The following AKT3 variants were observed in gnomAD, a reference collection of about 807,000 sequenced individuals.
The protein encoded by AKT3 is AKT serine/threonine kinase 3.
Under a neutral mutation model 65.3 loss-of-function variants are expected in AKT3, and 15 were observed. The ratio of observed to expected loss-of-function variants is 0.23; its 90% confidence interval spans 0.15 to 0.35. The LOEUF (loss-of-function observed/expected upper bound fraction) is 0.35, where lower values mean the gene tolerates loss of function less well. Among genes scored for constraint, AKT3 ranks in the 10% least tolerant of loss-of-function variants. The pLI is 1.00. For missense variants in AKT3, 243 were observed against 576.5 expected, an observed-to-expected ratio of 0.42 and a Z score of 5.92; for synonymous variants, 206 against 183.8, an observed-to-expected ratio of 1.12 and a Z score of -0.98.
At position 243,704,433 on chromosome 1, in the gene AKT3, T is replaced by C. The variant is rs567174612; in HGVS notation, c.47-8717A>G. ...GAGGTGGAGAAGAAAAGGGGATGAG[T>C]TGACTAATTAAAATTTTAAGTGAAA... On this transcript the variant is annotated intron_variant, in intron 2 of 13. Transcript: ENST00000673466. Among the ~76,000 whole-genome samples the C allele has an allele frequency of 1.6e-3, 247 of 152,194 alleles. 1 individual carries two copies. The highest frequency in any genetic ancestry group is 5.7e-3 in the African/African-American group (236 of 41,536).
intron 11 of AKT3, 57 bp from the exon 12 acceptor site, chr1:243,545,654 A>G: frequency 8.2e-7 from 1 of 1,217,408 alleles, no homozygotes; most frequent in Non-Finnish European, 1.2e-6. Context: ...AGCTCAAAGC[A>G]TAACAAAAAA....
At chr1:243,552,688 C>T (rs751021818) in intron 11 of AKT3, 41 bp downstream of exon 11, 7 of 1,548,032 alleles carry the variant, frequency 4.5e-6, no homozygotes, top group Non-Finnish European at 6.2e-6. Flanking sequence ...AATTTTTAAC[C>T]ACATTCATCA....
intron 2 of AKT3, among the ~76,000 whole-genome samples, chr1:243,703,838 G>GT (rs1572199715): frequency 6.6e-6 from 1 of 151,604 alleles, no homozygotes; most frequent in South Asian, 2.1e-4. Flanking sequence ...ATAAACTAGC[G>GT]TAAGTTTTCA....
intron 2 of AKT3, among the ~76,000 whole-genome samples, chr1:243,725,570 C>T (rs1467564834): frequency 2.0e-5 from 3 of 152,202 alleles, no homozygotes; most frequent in Non-Finnish European, 2.9e-5. Context: ...TCACTGCATA[C>T]GGAGATTTGC....
chr1:243,722,237 T>C (rs977018731), intron 2 of AKT3, among the ~76,000 whole-genome samples: 1 of 152,178 alleles, frequency 6.6e-6, no homozygotes, highest in Non-Finnish European at 1.5e-5. Flanking sequence ...TAAGGTTTTA[T>C]TATATTATGC....
chr1:243,768,948 C>A (rs530550959), intron 2 of AKT3, among the ~76,000 whole-genome samples: 3 of 152,192 alleles, frequency 2.0e-5, no homozygotes, highest in Admixed American at 6.5e-5. Context: ...ACTACTAATT[C>A]CAGAACTTTT....
At chr1:243,520,983 A>G (rs1301148012) in intron 12 of AKT3, among the ~76,000 whole-genome samples, 1 of 152,216 alleles carries the variant, frequency 6.6e-6, no homozygotes, top group Non-Finnish European at 1.5e-5. Context: ...TATGGCTGGA[A>G]TGATTCCATG....
At chr1:243,775,006 G>A (rs1690452913) in intron 2 of AKT3, among the ~76,000 whole-genome samples, 1 of 152,178 alleles carries the variant, frequency 6.6e-6, no homozygotes, top group Non-Finnish European at 1.5e-5. Context: ...AGGACTACAG[G>A]TGTGTGCCAC....
At chr1:243,773,105 G>A (rs971781085) in intron 2 of AKT3, among the ~76,000 whole-genome samples, 3 of 151,278 alleles carry the variant, frequency 2.0e-5, no homozygotes, top group Non-Finnish European at 2.9e-5. Flanking sequence ...GTTAATGGGT[G>A]CAGCACACCA....
Position 243,499,742 on chromosome 1 carries a change from A to ATTATT in AKT3, c.*5502_*5506dup. 5 of 1,606,012 alleles carry ATTATT rather than the reference A, an allele frequency of 3.1e-6. No individual in the cohort carries two copies. The highest frequency in any genetic ancestry group is 4.3e-6 in the Non-Finnish European group (5 of 1,172,886). On this transcript the variant is annotated 3_prime_UTR_variant, in exon 14 of 14. Coordinates refer to ENST00000673466, the MANE Select transcript of AKT3 (RefSeq NM_005465.7). ...CATGAGCTATTGAAACTTACTTTTT[A>ATTATT]TTATTTTTTCCAGTTACCCAGCATG...
chr1:243,563,711 G>T lies in AKT3; in HGVS notation c.948+9C>A, dbSNP rs776361820. The T allele has an allele frequency of 5.6e-5, 89 of 1,593,142 alleles. No homozygotes were observed. The Admixed American group carries it at 7.3e-4, about 13-fold the overall frequency. On this transcript the variant is annotated intron_variant, in intron 10 of 13. Coordinates refer to ENST00000673466, the MANE Select transcript of AKT3 (RefSeq NM_005465.7). ...ATGTTACTTTCCTATTAATGGAACC[G>T]AAGCCTACCTCTGGTGCCAGATATT... is the stretch of plus-strand genomic sequence containing the variant.
intron 12 of AKT3, among the ~76,000 whole-genome samples, chr1:243,528,171 T>C (rs1574543492): frequency 6.6e-6 from 1 of 152,144 alleles, no homozygotes; most frequent in African/African-American, 2.4e-5. Flanking sequence ...CATCTTACTA[T>C]CTGTATGTTT....
At chr1:243,646,574 C>T (rs962236539) in intron 4 of AKT3, among the ~76,000 whole-genome samples, 7 of 151,908 alleles carry the variant, frequency 4.6e-5, no homozygotes, top group African/African-American at 9.7e-5. Flanking sequence ...AGGCTGGTCT[C>T]GAACTCCTGA....
At chr1:243,490,161 A>G (rs1176105158) in intron 13 of AKT3, among the ~76,000 whole-genome samples, 3 of 152,260 alleles carry the variant, frequency 2.0e-5, no homozygotes, top group African/African-American at 7.2e-5. Context: ...GTGCTCAAGG[A>G]ACCTGTAAGT....
Position 243,539,753 on chromosome 1 carries a change from C to A in AKT3, c.1251+5757G>T, listed in dbSNP as rs79221906. Among the ~76,000 whole-genome samples the A allele has an allele frequency of 4.8e-3, 726 of 152,248 alleles. 5 individuals are homozygous for A. The highest frequency in any genetic ancestry group is 0.016 in the African/African-American group (683 of 41,554). On this transcript the variant is annotated intron_variant, in intron 12 of 13. Transcript: ENST00000673466. ...TTACAAATAACCCTTAAGAAGGAATCACAAGGGGAATTAAAACTCTTTTGA... is the reference window on the plus strand; with the variant it reads ...TTACAAATAACCCTTAAGAAGGAATAACAAGGGGAATTAAAACTCTTTTGA...
intron 12 of AKT3, among the ~76,000 whole-genome samples, chr1:243,527,899 AC>A (rs1558590041): frequency 1.7e-4 from 19 of 108,642 alleles, no homozygotes; most frequent in African/African-American, 7.2e-4. Flanking sequence ...ACACACACAC[AC>A]ACACACACAC....
downstream of AKT3, among the ~76,000 whole-genome samples, chr1:243,498,959 G>A (rs543488408): frequency 1.3e-5 from 2 of 152,356 alleles, no homozygotes; most frequent in Admixed American, 6.5e-5. Context: ...TCTAGAGGGC[G>A]AGGACTGTGG....
At chr1:243,757,886 G>A (rs980571749) in intron 2 of AKT3, among the ~76,000 whole-genome samples, 1 of 151,524 alleles carries the variant, frequency 6.6e-6, no homozygotes, top group Non-Finnish European at 1.5e-5. Flanking sequence ...TCAGCCTCCC[G>A]AGTAGCTGGG....
chr1:243,671,908 A>T (rs535458048), intron 3 of AKT3, among the ~76,000 whole-genome samples: 1 of 152,354 alleles, frequency 6.6e-6, no homozygotes, highest in Admixed American at 6.5e-5. Flanking sequence ...TGAAGAGAAT[A>T]CACTGCTAGG....
Sources: gnomAD v4.1 joint callset for allele counts (sites outside exome capture counted in the v4.1 genomes callset) on GRCh38, gnomAD v4.1.1 for gene constraint, MANE v1.5 for transcripts, NCBI Gene and HGNC (gene_info 2026-07-23, HGNC 2026-07-21) for gene names.